ALDH1L1: variants seen among roughly 807,000 people sequenced by gnomAD.
The protein encoded by ALDH1L1 is cytosolic 10-formyltetrahydrofolate dehydrogenase.
ALDH1L1 carries 68 observed loss-of-function variants against 101.1 expected under a neutral mutation model. The observed-to-expected ratio is 0.67, with a 90% CI of 0.55 to 0.82. The LOEUF (loss-of-function observed/expected upper bound fraction) is 0.82, where lower values mean the gene tolerates loss of function less well. ALDH1L1 is among the 40% of genes least tolerant of loss of function. The pLI is 0.00. For missense variants in ALDH1L1, 1,087 were observed against 1,172.7 expected (o/e 0.93, Z 1.07); for synonymous variants, 486 against 470.8 (o/e 1.03, Z -0.42).
intron 10 of ALDH1L1, 117 bp from the exon 11 acceptor site, chr3:126,137,000 G>T: frequency 7.1e-7 from 1 of 1,416,020 alleles, no homozygotes; most frequent in Non-Finnish European, 9.5e-7. Context: ...CTTCAGAGCT[G>T]CATGTAGGCA....
intron 9 of ALDH1L1, among the ~76,000 whole-genome samples, chr3:126,143,857 T>A (rs2108266017): frequency 6.6e-6 from 1 of 152,274 alleles, no homozygotes; most frequent in Middle Eastern, 3.4e-3. Context: ...GGCAGGAGGA[T>A]CACTTGAGCC....
rs752203701 is a variant in ALDH1L1, at chr3:126,118,134, C to T, written c.1889-36G>A. ...GAGGGAGGGGGGAATCAGAGTGGTCCCCCTGGTGCTGGGGAGGCAGGAGCC... is the reference window on the plus strand; with the variant it reads ...GAGGGAGGGGGGAATCAGAGTGGTCTCCCTGGTGCTGGGGAGGCAGGAGCC... On this transcript the variant is annotated intron_variant, in intron 16 of 22. Coordinates refer to ENST00000393434, the MANE Select transcript of ALDH1L1 (RefSeq NM_012190.4). The T allele has an allele frequency of 4.5e-6, 7 of 1,571,082 alleles. 1 individual carries two copies. The African/African-American group carries it at 5.4e-5, about 12-fold the overall frequency.
At chr3:126,162,854 A>AT (rs1208403426) in intron 1 of ALDH1L1, among the ~76,000 whole-genome samples, 1 of 152,082 alleles carries the variant, frequency 6.6e-6, no homozygotes, top group Non-Finnish European at 1.5e-5. Flanking sequence ...TCTGGAACTG[A>AT]TTTTTTCATA....
intron 1 of ALDH1L1, among the ~76,000 whole-genome samples, chr3:126,177,877 T>G (rs1298689111): frequency 6.6e-6 from 1 of 151,482 alleles, no homozygotes; most frequent in African/African-American, 2.4e-5. Context: ...CTGTCTCTAC[T>G]ATTATAAAAA....
chr3:126,173,156 AAAG>A, intron 1 of ALDH1L1, among the ~76,000 whole-genome samples: 1 of 152,318 alleles, frequency 6.6e-6, no homozygotes, highest in South Asian at 2.1e-4. Context: ...TCAACATACA[AAAG>A]AGTATTAGAA....
rs555126202 is a variant in ALDH1L1 at position 126,117,893 on chromosome 3, A to G, written c.1982+112T>C. ...GCATAGAGCCCAGCAGGGCCACGGAAGTGGCTGTGCCCTGGAGCCTGGGAA... is the reference window on the plus strand; with the variant it reads ...GCATAGAGCCCAGCAGGGCCACGGAGGTGGCTGTGCCCTGGAGCCTGGGAA... On this transcript the variant is annotated intron_variant, in intron 17 of 22. Transcript: ENST00000393434. 8.3e-5 allele frequency: 89 copies of G among 1,069,504 alleles called. No individual in the cohort carries two copies. In the East Asian group the frequency reaches 2.0e-3, roughly 24 times the overall value. The allele number at this position is 1,069,504 out of a possible 1,614,324, so 66.3% of individuals were successfully genotyped here.
upstream of ALDH1L1, among the ~76,000 whole-genome samples, chr3:126,183,442 G>A (rs539952369): frequency 4.6e-5 from 7 of 152,240 alleles, no homozygotes; most frequent in South Asian, 2.1e-4. Flanking sequence ...GAAACTATAC[G>A]GATATGAACC....
intron 1 of ALDH1L1, among the ~76,000 whole-genome samples, chr3:126,187,567 T>C (rs1267077528): frequency 1.3e-5 from 2 of 152,202 alleles, no homozygotes; most frequent in Non-Finnish European, 2.9e-5. Flanking sequence ...CACCTCAGTT[T>C]ACAGTGGGGC....
intron 2 of ALDH1L1, chr3:126,159,644 A>C (rs116273749): frequency 2.4e-6 from 1 of 412,164 alleles, no homozygotes; most frequent in Non-Finnish European, 4.9e-6. Flanking sequence ...ACAGTGACCA[A>C]TGAAATACTG....
intron 1 of ALDH1L1, among the ~76,000 whole-genome samples, chr3:126,177,990 C>T (rs544692200): frequency 3.7e-4 from 57 of 152,272 alleles, no homozygotes; most frequent in Middle Eastern, 3.4e-3. Context: ...CTGTAGTGAG[C>T]TGAGATTGTG....
intron 12 of ALDH1L1, among the ~76,000 whole-genome samples, chr3:126,133,881 C>T (rs1275902733): frequency 1.3e-5 from 2 of 152,206 alleles, no homozygotes; most frequent in Admixed American, 1.3e-4. Context: ...CACGGTCTTT[C>T]CCAGGAGCTC....
chr3:126,124,522 G>T, intron 15 of ALDH1L1, 71 bp from the exon 16 acceptor site: 1 of 1,264,442 alleles, frequency 7.9e-7, no homozygotes, highest in Non-Finnish European at 1.1e-6. Flanking sequence ...TTCCCTCCCC[G>T]CCTTCCTCTC....
chr3:126,131,421 G>A lies in ALDH1L1; in HGVS notation c.1586C>T (p.Thr529Ile). Residue 529 changes from threonine to isoleucine, a missense_variant, in exon 13 of 23, where the codon ACC (threonine) becomes ATC (isoleucine). Thr to Ile is a moderately conservative substitution (Grantham distance 89). Transcript: ENST00000393434. The part of the protein sequence containing the change: ...LKTHVGMSIQ[T>I]FRYFAGWCDK... ...ACACCAGCCAGCAAAGTAGCGGAAG[G>A]TCTGGATGGACATGCCCACGTGGGT... 1.2e-6 allele frequency: 2 copies of A among 1,612,482 alleles called. No individual in the cohort carries two copies. The highest frequency in any genetic ancestry group is 1.7e-6 in the Non-Finnish European group (2 of 1,178,672).
intron 12 of ALDH1L1, among the ~76,000 whole-genome samples, chr3:126,132,298 T>C (rs2080327996): frequency 6.6e-6 from 1 of 152,116 alleles, no homozygotes; most frequent in Admixed American, 6.5e-5. Context: ...GCCAGCCGTT[T>C]CCCACACTGC....
intron 9 of ALDH1L1, among the ~76,000 whole-genome samples, chr3:126,141,727 G>A (rs906812654): frequency 6.6e-6 from 1 of 151,870 alleles, no homozygotes; most frequent in Non-Finnish European, 1.5e-5. Context: ...AAGTTTACAG[G>A]TGTAAATACA....
chr3:126,112,754 C>T lies in ALDH1L1; in HGVS notation c.2181+28G>A, dbSNP rs76803700. 248 of 1,603,824 alleles carry T rather than the reference C, an allele frequency of 1.5e-4. No homozygotes were observed. In the African/African-American group the frequency reaches 2.5e-3, roughly 16 times the overall value. On this transcript the variant is annotated intron_variant, in intron 19 of 22. Transcript: ENST00000393434. ...GGCGCTGCTGTCCCAGTGAACCAGC[C>T]GCCCGCAGACCCTGGGGCAGGACTT... is the stretch of plus-strand genomic sequence containing the variant.
intron 14 of ALDH1L1, among the ~76,000 whole-genome samples, chr3:126,126,664 C>T (rs1403938513): frequency 6.6e-6 from 1 of 152,162 alleles, no homozygotes; most frequent in East Asian, 1.9e-4. Flanking sequence ...CCGTCGGTTA[C>T]AGTGAACGGG....
upstream of ALDH1L1, among the ~76,000 whole-genome samples, chr3:126,186,420 G>T (rs566655921): frequency 6.6e-6 from 1 of 152,326 alleles, no homozygotes; most frequent in East Asian, 1.9e-4. Context: ...GCAGAACGTG[G>T]CACTGGTTGG....
At chr3:126,178,488 C>T (rs552787413) in intron 1 of ALDH1L1, among the ~76,000 whole-genome samples, 7 of 151,894 alleles carry the variant, frequency 4.6e-5, no homozygotes, top group East Asian at 1.9e-4. Context: ...CTCTGCACTC[C>T]GTCCTCAATT....
Sources: gnomAD v4.1 joint callset for allele counts (sites outside exome capture counted in the v4.1 genomes callset) on GRCh38, gnomAD v4.1.1 for gene constraint, MANE v1.5 for transcripts, NCBI Gene and HGNC (gene_info 2026-07-23, HGNC 2026-07-21) for gene names.